Variants in PCDHGA6 observed in about 807,000 individuals in gnomAD.
PCDHGA6 encodes protocadherin gamma-A6.
A neutral mutation model predicts 60.6 loss-of-function variants in PCDHGA6; 41 were observed. The ratio of observed to expected loss-of-function variants is 0.68; its 90% confidence interval spans 0.53 to 0.88. The LOEUF (loss-of-function observed/expected upper bound fraction) is 0.88, where lower values mean the gene tolerates loss of function less well. Among genes scored for constraint, PCDHGA6 ranks in the 40% least tolerant of loss-of-function variants. The probability of loss-of-function intolerance (pLI) is 0.00; values close to 1 mark genes in which losing one functional copy is unlikely to be tolerated. For synonymous variants in PCDHGA6, 594 were observed against 524.4 expected (o/e 1.13, Z -1.81); for missense variants, 1,312 against 1,203.0 (o/e 1.09, Z -1.34).
chr5:141,384,714 A>G (rs750526941), intron 1 of PCDHGA6: 8 of 1,614,076 alleles, frequency 5.0e-6, no homozygotes, highest in African/African-American at 1.3e-5. Context: ...CCTGGCTGTC[A>G]TACCTCCTGC....
chr5:141,454,880 T>C (rs1561957456), intron 1 of PCDHGA6, among the ~76,000 whole-genome samples: 1 of 137,862 alleles, frequency 7.3e-6, no homozygotes, highest in Non-Finnish European at 1.5e-5. Flanking sequence ...CGATCTTGGC[T>C]CACTGCTAGC....
At chr5:141,441,537 C>A in intron 1 of PCDHGA6, 1 of 173,250 alleles carries the variant, frequency 5.8e-6, no homozygotes, top group Non-Finnish European at 1.2e-5. Context: ...ACAATCTTCC[C>A]AAAGCCTCCA....
At chr5:141,433,360 T>C (rs1313053553) in intron 1 of PCDHGA6, 46 of 298,056 alleles carry the variant, frequency 1.5e-4, no homozygotes, top group Non-Finnish European at 2.5e-4. Context: ...ACTGTCTGCC[T>C]ATCTATCTAT....
chr5:141,393,274 T>G (rs747983531), intron 1 of PCDHGA6: 11 of 1,613,952 alleles, frequency 6.8e-6, no homozygotes, highest in Non-Finnish European at 9.3e-6. Flanking sequence ...CGTTATCCAC[T>G]CCCAGAAGCT....
intron 3 of PCDHGA6, 119 bp downstream of exon 3, chr5:141,505,600 G>T: frequency 1.3e-6 from 2 of 1,554,224 alleles, no homozygotes; most frequent in Middle Eastern, 3.4e-4. Context: ...AGATCTTTCG[G>T]CAGGTCTGAA....
Position 141,485,182 on chromosome 5 carries a change from C to A in PCDHGA6, c.2425-9625C>A. 6.2e-7 allele frequency: 1 copy of A among 1,613,070 alleles called. No individual in the cohort carries two copies. The highest frequency in any genetic ancestry group is 8.5e-7 in the Non-Finnish European group (1 of 1,179,154). On this transcript the variant is annotated intron_variant, in intron 1 of 3. Coordinates refer to ENST00000517434, the MANE Select transcript of PCDHGA6 (RefSeq NM_018919.3). This position sits in a 1 kb window ranked among gnomAD's most constrained non-coding sequence, Gnocchi z 5.7. ...ATTAGCGGGCGGCAGCAATGCTCCG[C>A]AAGGTGAGAAGCTGGACAGAAATCT...
chr5:141,449,830 T>G (rs1316368063), intron 1 of PCDHGA6, among the ~76,000 whole-genome samples: 1 of 151,724 alleles, frequency 6.6e-6, no homozygotes, highest in Non-Finnish European at 1.5e-5. Flanking sequence ...AAGGACATTC[T>G]TTTATATAAT....
chr5:141,503,713 C>T (rs867005984), intron 2 of PCDHGA6, among the ~76,000 whole-genome samples: 6 of 152,134 alleles, frequency 3.9e-5, no homozygotes, highest in Non-Finnish European at 8.8e-5. Context: ...TCCCCTTCAA[C>T]CCTAGCTTTA....
chr5:141,430,930 G>A, intron 1 of PCDHGA6: 2 of 1,607,320 alleles, frequency 1.2e-6, no homozygotes, highest in Non-Finnish European at 1.7e-6. Context: ...TGGAGCCCCG[G>A]GAGCTCGCGG....
At chr5:141,478,926 G>A in intron 1 of PCDHGA6, 1 of 687,216 alleles carries the variant, frequency 1.5e-6, no homozygotes, top group Non-Finnish European at 2.3e-6. Flanking sequence ...CTAACCAGTG[G>A]CAGCTTCTAG....
chr5:141,377,732 C>A (rs554693714), intron 1 of PCDHGA6: 2 of 152,264 alleles, frequency 1.3e-5, no homozygotes, highest in African/African-American at 4.8e-5. Flanking sequence ...AGATAAGAAT[C>A]ATTGGTAACT....
chr5:141,482,530 C>CAAAAAAAAAAAAAAAAA (rs3074545), intron 1 of PCDHGA6, among the ~76,000 whole-genome samples: 1 of 76,562 alleles, frequency 1.3e-5, no homozygotes, highest in African/African-American at 4.8e-5. Flanking sequence ...GACAGACATG[C>CAAAAAAAAAAAAAAAAA]AAAAAAAAAA....
chr5:141,413,578 C>G, intron 1 of PCDHGA6: 1 of 1,613,870 alleles, frequency 6.2e-7, no homozygotes, highest in Non-Finnish European at 8.5e-7. Flanking sequence ...TGACAATGCT[C>G]CAAAATTCCA....
chr5:141,392,785 T>G (rs1329989423), intron 1 of PCDHGA6: 2 of 1,549,000 alleles, frequency 1.3e-6, no homozygotes, highest in African/African-American at 2.7e-5. Flanking sequence ...ACAGTGAAGA[T>G]TCTGAGAGGA....
intron 1 of PCDHGA6, chr5:141,419,186 A>G: frequency 1.2e-6 from 2 of 1,613,940 alleles, no homozygotes; most frequent in Non-Finnish European, 1.7e-6. Context: ...CCTGCACATT[A>G]CTGACGTCAA....
chr5:141,388,094 G>A (rs2091235940), intron 1 of PCDHGA6: 1 of 1,377,208 alleles, frequency 7.3e-7, no homozygotes, highest in Non-Finnish European at 1.0e-6. Flanking sequence ...GCGTCAGTTC[G>A]GAGAAGCCTT....
intron 1 of PCDHGA6, chr5:141,404,337 C>A (rs766940096): frequency 6.2e-6 from 10 of 1,613,902 alleles, no homozygotes; most frequent in Middle Eastern, 3.3e-4. Flanking sequence ...GTCTACCTCC[C>A]GGAAAACAAC....
intron 1 of PCDHGA6, among the ~76,000 whole-genome samples, chr5:141,446,322 C>A (rs1561922470): frequency 2.0e-5 from 3 of 151,968 alleles, no homozygotes; most frequent in South Asian, 4.1e-4. Flanking sequence ...TGGGTTTCCA[C>A]ATTAAGGAAC....
At chr5:141,389,438 C>G in intron 1 of PCDHGA6, 1 of 1,610,592 alleles carries the variant, frequency 6.2e-7, no homozygotes, top group East Asian at 2.2e-5. Context: ...AGCGCGCCTT[C>G]GACCACGAGC....
Sources: gnomAD v4.1 joint callset for allele counts (sites outside exome capture counted in the v4.1 genomes callset) on GRCh38, gnomAD v4.1.1 for gene constraint, Gnocchi (gnomAD v3.1) non-coding constraint, MANE v1.5 for transcripts, NCBI Gene and HGNC (gene_info 2026-07-23, HGNC 2026-07-21) for gene names.